The following NECTIN1 variants were observed in gnomAD, a reference collection of about 807,000 sequenced individuals.
NECTIN1 encodes the protein nectin-1.
Under a neutral mutation model 48.0 loss-of-function variants are expected in NECTIN1, and 23 were observed. The ratio of observed to expected loss-of-function variants is 0.48; its 90% CI spans 0.34 to 0.68. NECTIN1 has a LOEUF of 0.68. Ranked by LOEUF, NECTIN1 falls within the 30% of genes least tolerant of loss-of-function variation. The probability of loss-of-function intolerance (pLI) is 0.01; values close to 1 mark genes in which losing one functional copy is unlikely to be tolerated. For missense variants in NECTIN1, 591 were observed against 709.9 expected (o/e 0.83, Z 1.90); for synonymous variants, 270 against 288.9 (o/e 0.93, Z 0.66).
In NECTIN1 at chr11:119,677,618, AG is replaced by A. The variant is rs1245757676; in HGVS notation, c.669del (p.Leu224TrpfsTer26). The A allele has an allele frequency of 6.2e-7, 1 of 1,613,676 alleles. No individual in the cohort carries two copies. Among genetic ancestry groups the A allele is most frequent in the Non-Finnish European group, 8.5e-7 (1 of 1,180,028 alleles). On this transcript the variant is annotated frameshift_variant, in exon 3 of 6. Coordinates refer to ENST00000264025, the MANE Select transcript of NECTIN1 (RefSeq NM_002855.5). LOFTEE classifies it high-confidence loss of function. The surrounding 1 kb of genome is among the most constrained non-coding windows in gnomAD (Gnocchi z 5.4). ...LVPSREAHQQSLACIVNYHMD... is the reference protein window; with the variant it reads ...LVPSREAHQQXLACIVNYHMD... ...ATGTGGTAGTTGACGATGCAGGCCA[AG>A]GACTGCTGGTGGGCTTCCCTGCTGG...
At chr11:119,697,029 G>GC (rs920959110) in intron 1 of NECTIN1, among the ~76,000 whole-genome samples, 1 of 152,030 alleles carries the variant, frequency 6.6e-6, no homozygotes, top group African/African-American at 2.4e-5. Context: ...TCTGTGTGCT[G>GC]CCCGCTGCAG....
intron 1 of NECTIN1, among the ~76,000 whole-genome samples, chr11:119,704,224 CT>C (rs970089061): frequency 1.9e-4 from 28 of 148,066 alleles, no homozygotes; most frequent in South Asian, 6.5e-4. Context: ...CCAGTGTTTC[CT>C]TTTTTTTTTG....
chr11:119,645,080 T>C (rs1021026001), intron 5 of NECTIN1, among the ~76,000 whole-genome samples: 3 of 136,642 alleles, frequency 2.2e-5, no homozygotes, highest in Admixed American at 7.9e-5. Context: ...TGGTCTGCCC[T>C]CTGCTTGTCT....
Position 119,687,630 on chromosome 11 carries a change from G to C in NECTIN1, c.80-8865C>G, listed in dbSNP as rs570719810. Among the ~76,000 whole-genome samples, 3 of 152,370 alleles carry C rather than the reference G, an allele frequency of 2.0e-5. No individual in the cohort carries two copies. In the South Asian group the frequency reaches 6.2e-4, roughly 32 times the overall value. ...AGGCAGCAGCCTCTTTGGAAGGCTA[G>C]TGTGGGGGTGGGAGAGGCGGGGGGC... On this transcript the variant is annotated intron_variant, in intron 1 of 5. Transcript: ENST00000264025.
In NECTIN1 at chr11:119,648,301, G is replaced by GTGATGCTGGTGA. The variant is rs754894127; in HGVS notation, c.1004-8290_1004-8289insTCACCAGCATCA. ...GATGGTGGTGGTGATGGTGGTGGTGGTGGTGATGGTGGTGATGGTGATGGT... is the reference window on the plus strand; with the variant it reads ...GATGGTGGTGGTGATGGTGGTGGTGGTGATGCTGGTGATGGTGATGGTGGTGATGGTGATGGT... On this transcript the variant is annotated intron_variant, in intron 5 of 7. Coordinates refer to the NECTIN1 transcript ENST00000341398. Among the ~76,000 whole-genome samples the GTGATGCTGGTGA allele has an allele frequency of 2.2e-3, 28 of 12,922 alleles. 3 individuals are homozygous for GTGATGCTGGTGA. The Middle Eastern group carries it at 0.1, about 46-fold the overall frequency. The allele number at this position is 12,922 out of a possible 152,430, so 8.5% of individuals were successfully genotyped here.
At chr11:119,676,168 A>C (rs565704502) in intron 4 of NECTIN1, among the ~76,000 whole-genome samples, 1 of 152,276 alleles carries the variant, frequency 6.6e-6, no homozygotes, top group South Asian at 2.1e-4. Flanking sequence ...TTTTGCTGGG[A>C]ATGTCACAGG....
Position 119,678,801 on chromosome 11 carries a change from G to T in NECTIN1, c.80-36C>A. ...GGATGGCAGCAAGTGGTCAGTGTCA[G>T]GCACAGCCTCCCCCCACCCACACAG... On this transcript the variant is annotated intron_variant, in intron 1 of 5. Transcript: ENST00000264025. This position sits in a 1 kb window ranked among gnomAD's most constrained non-coding sequence, Gnocchi z 4.4. 1 of 1,464,174 alleles carries T rather than the reference G, an allele frequency of 6.8e-7. No homozygotes were observed. Among genetic ancestry groups the T allele is most frequent in the East Asian group, 2.4e-5 (1 of 41,810 alleles). 90.7% of individuals were successfully genotyped at this position (1,464,174 alleles called of 1,614,324 possible).
At chr11:119,723,855 A>G (rs1454884453) in intron 1 of NECTIN1, among the ~76,000 whole-genome samples, 1 of 152,090 alleles carries the variant, frequency 6.6e-6, no homozygotes, top group Non-Finnish European at 1.5e-5. Flanking sequence ...CAGCCAGCAC[A>G]TCTGCTGCTG....
chr11:119,721,190 C>T (rs1279841525), intron 1 of NECTIN1, among the ~76,000 whole-genome samples: 3 of 152,246 alleles, frequency 2.0e-5, no homozygotes, highest in Admixed American at 6.5e-5. Flanking sequence ...GCTGAGCTTC[C>T]ACCCAGCTCC....
chr11:119,728,603 G>T lies in NECTIN1; in HGVS notation c.-50C>A. On this transcript the variant is annotated 5_prime_UTR_variant, in exon 1 of 6. Transcript: ENST00000264025. ...GGGCGGCGAGGGCAGCGCTCCTCGC[G>T]CAGCAGAAACCAGCCCGGAAGATGA... 1.5e-6 allele frequency: 2 copies of T among 1,305,952 alleles called. No homozygotes were observed. The highest frequency in any genetic ancestry group is 1.4e-5 in the South Asian group (1 of 71,590). The allele number at this position is 1,305,952 out of a possible 1,614,324, so 80.9% of individuals were successfully genotyped here.
At chr11:119,685,754 G>C (rs1284236426) in intron 1 of NECTIN1, among the ~76,000 whole-genome samples, 7 of 152,210 alleles carry the variant, frequency 4.6e-5, no homozygotes, top group Admixed American at 1.3e-4. Flanking sequence ...TCACCTCTTG[G>C]ATCACTCTCC....
chr11:119,708,165 GGT>G (rs1330079526), intron 1 of NECTIN1, among the ~76,000 whole-genome samples: 3 of 152,134 alleles, frequency 2.0e-5, no homozygotes, highest in African/African-American at 7.2e-5. Flanking sequence ...TTTTTAGCTG[GGT>G]CCTGCAGGAT....
chr11:119,664,948 G>C lies in NECTIN1; in HGVS notation c.1353C>G (p.Arg451=). The change falls in exon 6 of 6, where the codon CGC becomes CGG. Residue 451 remains arginine (R), a synonymous_variant. Coordinates refer to ENST00000264025, the MANE Select transcript of NECTIN1 (RefSeq NM_002855.5). ...ATTTGGGGTGGGGGCCGCCCACCTT[G>C]CGCTCGCCCCCTCCACCGCCCTCCT... is the stretch of plus-strand genomic sequence containing the variant. The part of the protein sequence containing the change: ...EEEEGGGGGE[R]KVGGPHPKYD... The C allele has an allele frequency of 6.2e-7, 1 of 1,613,572 alleles. No homozygotes were observed. Among genetic ancestry groups the C allele is most frequent in the Non-Finnish European group, 8.5e-7 (1 of 1,179,798 alleles).
chr11:119,670,644 CTTTTTTTTTT>C (rs56350355), intron 5 of NECTIN1, among the ~76,000 whole-genome samples: 100 of 113,900 alleles, frequency 8.8e-4, no homozygotes, highest in Admixed American at 2.7e-3. Flanking sequence ...TTCCTAAGTC[CTTTTTTTTTT>C]TTTTTTTTTT....
At chr11:119,651,573 A>G (rs529101027) in intron 5 of NECTIN1, among the ~76,000 whole-genome samples, 1 of 152,056 alleles carries the variant, frequency 6.6e-6, no homozygotes, top group East Asian at 1.9e-4. Flanking sequence ...TTTCATTAGC[A>G]GGGGAGCTCC....
At chr11:119,715,637 T>A (rs890920540) in intron 1 of NECTIN1, among the ~76,000 whole-genome samples, 1 of 152,218 alleles carries the variant, frequency 6.6e-6, no homozygotes, top group African/African-American at 2.4e-5. Flanking sequence ...ACTATAGGTA[T>A]GAGCCACTGT....
chr11:119,689,349 C>T (rs576035481), intron 1 of NECTIN1, among the ~76,000 whole-genome samples: 4 of 152,318 alleles, frequency 2.6e-5, no homozygotes, highest in Non-Finnish European at 4.4e-5. Flanking sequence ...CACGCACCTT[C>T]CCTGTGGCAT....
intron 1 of NECTIN1, among the ~76,000 whole-genome samples, chr11:119,693,868 G>T (rs1865303265): frequency 6.6e-6 from 1 of 152,110 alleles, no homozygotes; most frequent in African/African-American, 2.4e-5. Flanking sequence ...GAAAGGGTGG[G>T]TTTTCTTTTT....
chr11:119,641,711 C>CTCTTT (rs1054716678), intron 5 of NECTIN1: 1 of 152,436 alleles, frequency 6.6e-6, no homozygotes, highest in Admixed American at 6.6e-5. Context: ...CTCTTTCAGT[C>CTCTTT]TCTTTTCTTT....
Sources: allele counts gnomAD v4.1 joint callset (sites outside exome capture counted in the v4.1 genomes callset), GRCh38; gene constraint gnomAD v4.1.1; non-coding constraint Gnocchi (gnomAD v3.1); transcripts MANE v1.5; gene names NCBI Gene and HGNC (gene_info 2026-07-23, HGNC 2026-07-21).